RAI1: variants seen among roughly 807,000 people sequenced by gnomAD.
RAI1 encodes the protein retinoic acid induced 1, also known as retinoic acid-induced protein 1.
A neutral mutation model predicts 123.8 loss-of-function variants in RAI1; 9 were observed. The observed-to-expected ratio is 0.07, with a 90% CI of 0.04 to 0.13. The LOEUF is 0.13. Ranked by LOEUF, RAI1 falls within the 10% of genes least tolerant of loss-of-function variation. The pLI is 1.00. For synonymous variants in RAI1, 1,231 were observed against 1,127.3 expected, an observed-to-expected ratio of 1.09 and a Z score of -1.84; for missense variants, 2,256 against 2,545.8, an observed-to-expected ratio of 0.89 and a Z score of 2.45.
chr17:17,782,909 A>ACGCCCCGCCCTGCG (rs1235198915), intron 2 of RAI1, among the ~76,000 whole-genome samples: 3 of 151,262 alleles, frequency 2.0e-5, no homozygotes, highest in African/African-American at 7.3e-5. Flanking sequence ...CGGAGGCCGT[A>ACGCCCCGCCCTGCG]CGCCCCGCCC....
chr17:17,687,301 C>G (rs1315677587), intron 1 of RAI1, among the ~76,000 whole-genome samples: 1 of 152,118 alleles, frequency 6.6e-6, no homozygotes, highest in Non-Finnish European at 1.5e-5. Context: ...GGAGCCAGGA[C>G]TGCTGGGGAG....
rs931412614 is a variant in RAI1, at chr17:17,800,690, T to C, written c.5565+2177T>C. ...ATGCTCCAGAAATGGCCTGACAGCC[T>C]GCGCAACTAGGGCTGCCCCGGGAAG... On this transcript the variant is annotated intron_variant, in intron 3 of 5. Transcript: ENST00000353383. This position sits in a 1 kb window ranked among gnomAD's most constrained non-coding sequence, Gnocchi z 4.7. Among the ~76,000 whole-genome samples the C allele has an allele frequency of 6.6e-6, 1 of 152,252 alleles. No individual in the cohort carries two copies.
chr17:17,717,477 A>G (rs960987258), intron 1 of RAI1, among the ~76,000 whole-genome samples: 1 of 151,974 alleles, frequency 6.6e-6, no homozygotes, highest in Non-Finnish European at 1.5e-5. Flanking sequence ...AGACTGAGAG[A>G]AGACCCCTGC....
intron 1 of RAI1, among the ~76,000 whole-genome samples, chr17:17,698,690 C>T (rs1428184474): frequency 1.3e-5 from 2 of 152,210 alleles, no homozygotes; most frequent in Non-Finnish European, 2.9e-5. Flanking sequence ...CCTCTCAGCC[C>T]CTGAGCCAGC....
intron 1 of RAI1, among the ~76,000 whole-genome samples, chr17:17,694,076 T>C (rs1914928995): frequency 1.3e-5 from 2 of 152,232 alleles, no homozygotes; most frequent in Non-Finnish European, 2.9e-5. Flanking sequence ...TGTCCCGTCA[T>C]TGCTGGCAGG....
At chr17:17,738,102 T>C (rs917981290) in intron 2 of RAI1, among the ~76,000 whole-genome samples, 25 of 151,754 alleles carry the variant, frequency 1.6e-4, no homozygotes, top group African/African-American at 5.8e-4. Context: ...CAGTATGGCA[T>C]AGTATGGCCT....
intron 2 of RAI1, among the ~76,000 whole-genome samples, chr17:17,786,394 CA>C (rs1054155430): frequency 6.6e-6 from 1 of 152,200 alleles, no homozygotes; most frequent in African/African-American, 2.4e-5. Flanking sequence ...GTGAACAAAA[CA>C]GGCAGAAATC....
intron 2 of RAI1, chr17:17,777,459 T>A (rs1008751628): frequency 5.3e-5 from 8 of 152,244 alleles, no homozygotes; most frequent in African/African-American, 1.7e-4. Context: ...AGTTTCCTCA[T>A]CTGTAAAACA....
At position 17,794,841 on chromosome 17, in the gene RAI1, C is replaced by G. The variant is rs374389275; in HGVS notation, c.1893C>G (p.Ser631Arg). 1 of 1,613,112 alleles carries G rather than the reference C, an allele frequency of 6.2e-7. No homozygotes were observed. The highest frequency in any genetic ancestry group is 1.3e-5 in the African/African-American group (1 of 74,928). ...ACAAAGCTTGGGCTGAAGCACCCAG[C>G]CTGGTCAAGGACAGCAGCAAGCCAC... Reference protein sequence around the residue: ...KADKAWAEAPSLVKDSSKPPF... With the variant: ...KADKAWAEAPRLVKDSSKPPF... The change falls in exon 3 of 6, where the codon AGC (serine) becomes AGG (arginine). Residue 631 changes from serine to arginine, a missense_variant. Physicochemically the swap from Ser to Arg is moderately radical, Grantham distance 110. This residue lies in a region of RAI1 where 566 missense variants were observed against 616.0 expected (regional missense o/e 0.92). Coordinates refer to ENST00000353383, the MANE Select transcript of RAI1 (RefSeq NM_030665.4).
chr17:17,773,726 A>T (rs1423372400), intron 2 of RAI1, among the ~76,000 whole-genome samples: 2 of 152,066 alleles, frequency 1.3e-5, no homozygotes, highest in Non-Finnish European at 1.5e-5. Context: ...TCAACACCTG[A>T]AAGAGCAGCT....
In RAI1 at chr17:17,801,553, G is replaced by C. The variant is rs895838681; in HGVS notation, c.5566-2203G>C. ...CACTCACAGACAGCAGCCGGCTTGT[G>C]TTTCGTCATCCCTTTTGGGTCAGGA... On this transcript the variant is annotated intron_variant, in intron 3 of 5. Coordinates refer to ENST00000353383, the MANE Select transcript of RAI1 (RefSeq NM_030665.4). The surrounding 1 kb of genome is among the most constrained non-coding windows in gnomAD (Gnocchi z 4.1). Among the ~76,000 whole-genome samples the C allele has an allele frequency of 2.0e-5, 3 of 152,230 alleles. No individual in the cohort carries two copies. Among genetic ancestry groups the C allele is most frequent in the African/African-American group, 7.2e-5 (3 of 41,448 alleles).
intron 1 of RAI1, among the ~76,000 whole-genome samples, chr17:17,682,217 G>A (rs1914449659): frequency 6.6e-6 from 1 of 152,068 alleles, no homozygotes; most frequent in East Asian, 1.9e-4. Flanking sequence ...TGCGTCCGAG[G>A]TGGGGGACGG....
chr17:17,790,184 C>A (rs982092454), intron 2 of RAI1, among the ~76,000 whole-genome samples: 12 of 152,164 alleles, frequency 7.9e-5, no homozygotes, highest in Admixed American at 6.5e-4. Context: ...ACAACAGAGC[C>A]CATAGCAGGC....
At chr17:17,709,364 G>A (rs932271622) in intron 1 of RAI1, among the ~76,000 whole-genome samples, 10 of 152,060 alleles carry the variant, frequency 6.6e-5, no homozygotes, top group African/African-American at 2.4e-4. Flanking sequence ...CTCTTCTTTG[G>A]TCTCACCTCT....
Position 17,797,003 on chromosome 17 carries a change from C to G in RAI1, c.4055C>G (p.Ser1352Cys). Residue 1352 changes from serine to cysteine, a missense_variant, in exon 3 of 6, where the codon TCT becomes TGT. Physicochemically the swap from Ser to Cys is moderately radical, Grantham distance 112. Coordinates refer to ENST00000353383, the MANE Select transcript of RAI1 (RefSeq NM_030665.4). Reference protein sequence around the residue: ...KKFACKAPGASPGNPLSPSLS... With the variant: ...KKFACKAPGACPGNPLSPSLS... The stretch of plus-strand genomic sequence containing the variant: ...TTCGCATGTAAAGCGCCAGGGGCCT[C>G]TCCTGGTAATCCTCTGAGCCCATCC... 6.2e-7 allele frequency: 1 copy of G among 1,613,906 alleles called. No individual in the cohort carries two copies. Among genetic ancestry groups the G allele is most frequent in the Non-Finnish European group, 8.5e-7 (1 of 1,180,044 alleles).
chr17:17,768,866 C>G (rs1008125597), intron 2 of RAI1, among the ~76,000 whole-genome samples: 1 of 152,234 alleles, frequency 6.6e-6, no homozygotes, highest in Admixed American at 6.5e-5. Context: ...GGAGGCAGGC[C>G]TGGATGCCCC....
chr17:17,694,442 C>T (rs983906089), intron 1 of RAI1, among the ~76,000 whole-genome samples: 5 of 152,252 alleles, frequency 3.3e-5, no homozygotes, highest in Non-Finnish European at 7.4e-5. Context: ...CCCAACCTGG[C>T]CCACCTCTCA....
chr17:17,787,833 C>T (rs2031878846), intron 2 of RAI1, among the ~76,000 whole-genome samples: 1 of 152,220 alleles, frequency 6.6e-6, no homozygotes, highest in Non-Finnish European at 1.5e-5. Context: ...CGTGGTTAGG[C>T]CCTGCAGGGA....
At chr17:17,716,587 C>A (rs1915721154) in intron 1 of RAI1, among the ~76,000 whole-genome samples, 1 of 152,098 alleles carries the variant, frequency 6.6e-6, no homozygotes, top group Admixed American at 6.5e-5. Context: ...TGTGTCTTTT[C>A]ATGTGTGTGG....
Sources: gnomAD v4.1 joint callset for allele counts (sites outside exome capture counted in the v4.1 genomes callset) on GRCh38, gnomAD v4.1.1 for gene constraint, gnomAD v4.1.1 regional missense constraint, Gnocchi (gnomAD v3.1) non-coding constraint, MANE v1.5 for transcripts, NCBI Gene and HGNC (gene_info 2026-07-23, HGNC 2026-07-21) for gene names.